Variants in NAV2 observed in about 807,000 individuals in gnomAD.
NAV2 encodes the protein helicase, APC down-regulated 1.
Under a neutral mutation model 223.2 loss-of-function variants are expected in NAV2, and 54 were observed. That is an observed-to-expected ratio of 0.24 (90% CI 0.19 to 0.30). NAV2 has a LOEUF of 0.30. Among genes scored for constraint, NAV2 ranks in the 10% least tolerant of loss-of-function variants. The pLI, the probability that NAV2 is intolerant of heterozygous loss-of-function variation, is 1.00. For synonymous variants in NAV2, 1,279 were observed against 1,239.3 expected, an observed-to-expected ratio of 1.03 and a Z score of -0.67; for missense variants, 2,806 against 3,147.5, an observed-to-expected ratio of 0.89 and a Z score of 2.60.
At chr11:19,803,305 T>C (rs2058371340) in intron 1 of NAV2, among the ~76,000 whole-genome samples, 1 of 152,150 alleles carries the variant, frequency 6.6e-6, no homozygotes, top group South Asian at 2.1e-4. Flanking sequence ...GTCTTGAAAA[T>C]GCAGGCAGGG....
intron 1 of NAV2, among the ~76,000 whole-genome samples, chr11:19,609,772 C>T (rs1313389400): frequency 2.0e-5 from 3 of 152,160 alleles, no homozygotes; most frequent in Non-Finnish European, 2.9e-5. Flanking sequence ...CCTCTGTGTT[C>T]TCAAAGGTTC....
At chr11:19,629,478 C>T (rs149805710) in intron 1 of NAV2, among the ~76,000 whole-genome samples, 326 of 151,908 alleles carry the variant, frequency 2.1e-3, no homozygotes, top group Non-Finnish European at 3.7e-3. Context: ...TACGCACTTG[C>T]GCACACACAC....
chr11:19,352,211 A>G (rs1047636049), intron 1 of NAV2, among the ~76,000 whole-genome samples: 1 of 152,352 alleles, frequency 6.6e-6, no homozygotes, highest in African/African-American at 2.4e-5. Flanking sequence ...TATTAAGTGT[A>G]TAACCTACTA....
intron 3 of NAV2, among the ~76,000 whole-genome samples, chr11:19,867,051 T>G (rs2062137805): frequency 6.6e-6 from 1 of 152,172 alleles, no homozygotes; most frequent in African/African-American, 2.4e-5. Flanking sequence ...TTTGAGTGGA[T>G]TTGGTATATT....
chr11:19,610,850 G>C lies in NAV2; in HGVS notation c.76-221634G>C, dbSNP rs143445068. 5.3e-3 allele frequency among the ~76,000 whole-genome samples: 811 copies of C among 152,190 alleles called. 6 individuals carry two copies. Among genetic ancestry groups the C allele is most frequent in the Non-Finnish European group, 8.1e-3 (552 of 67,996 alleles). On this transcript the variant is annotated intron_variant, in intron 1 of 37. Transcript: ENST00000360655. Reference sequence around the variant, plus strand: ...GATGGAGGTGGATGAATTGGTGGGTGGGTGGATGGATGCATTCATAAGACC... The same window carrying C: ...GATGGAGGTGGATGAATTGGTGGGTCGGTGGATGGATGCATTCATAAGACC...
intron 1 of NAV2, among the ~76,000 whole-genome samples, chr11:19,616,850 A>G (rs777863429): frequency 1.5e-4 from 23 of 152,160 alleles, no homozygotes; most frequent in Non-Finnish European, 3.1e-4. Context: ...GTTAGCATAG[A>G]GATGTAGAAA....
At chr11:19,525,214 C>G (rs1018652060) in intron 1 of NAV2, among the ~76,000 whole-genome samples, 3 of 152,130 alleles carry the variant, frequency 2.0e-5, no homozygotes, top group African/African-American at 7.2e-5. Flanking sequence ...AAACTGGGCC[C>G]CAGAGAGGTG....
At chr11:19,972,806 C>G (rs1442429720) in intron 10 of NAV2, among the ~76,000 whole-genome samples, 1 of 152,186 alleles carries the variant, frequency 6.6e-6, no homozygotes, top group Non-Finnish European at 1.5e-5. Context: ...AGGACTGAGT[C>G]TGATTTTTAT....
At chr11:19,599,930 A>G (rs1440697942) in intron 1 of NAV2, among the ~76,000 whole-genome samples, 4 of 152,148 alleles carry the variant, frequency 2.6e-5, no homozygotes, top group African/African-American at 9.7e-5. Context: ...TCTCTCTCCA[A>G]ACTGAATTGC....
intron 1 of NAV2, among the ~76,000 whole-genome samples, chr11:19,414,846 C>T (rs1173327700): frequency 6.6e-6 from 1 of 152,160 alleles, no homozygotes; most frequent in Non-Finnish European, 1.5e-5. Context: ...TGAATGACTA[C>T]TGGGTAAATA....
chr11:20,000,317 T>G (rs2052417504), intron 11 of NAV2, among the ~76,000 whole-genome samples: 1 of 152,226 alleles, frequency 6.6e-6, no homozygotes, highest in African/African-American at 2.4e-5. Flanking sequence ...CCTGTGGATT[T>G]GAACTTCTCA....
chr11:19,648,850 T>C (rs1427233089), intron 1 of NAV2, among the ~76,000 whole-genome samples: 2 of 152,210 alleles, frequency 1.3e-5, no homozygotes, highest in African/African-American at 2.4e-5. Context: ...CAAAAAGAAA[T>C]AAAAATTGTC....
At chr11:19,408,191 T>C (rs1849985579) in intron 1 of NAV2, among the ~76,000 whole-genome samples, 1 of 152,188 alleles carries the variant, frequency 6.6e-6, no homozygotes, top group Non-Finnish European at 1.5e-5. Flanking sequence ...CTCTTTCTAA[T>C]GGTGGATTTG....
At chr11:19,583,139 A>G (rs1007030396) in intron 1 of NAV2, among the ~76,000 whole-genome samples, 1 of 152,160 alleles carries the variant, frequency 6.6e-6, no homozygotes, top group African/African-American at 2.4e-5. Flanking sequence ...CTTTGAAGCA[A>G]TTGTGAATAG....
At chr11:19,608,394 A>G (rs746931201) in intron 1 of NAV2, among the ~76,000 whole-genome samples, 1 of 152,222 alleles carries the variant, frequency 6.6e-6, no homozygotes, top group Non-Finnish European at 1.5e-5. Flanking sequence ...AAAAGCAAAT[A>G]CACTGCCTTG....
chr11:19,644,802 C>T (rs759294615), intron 1 of NAV2, among the ~76,000 whole-genome samples: 5 of 152,216 alleles, frequency 3.3e-5, no homozygotes, highest in Admixed American at 6.5e-5. Context: ...GATGGGCCAG[C>T]AGGCCAGGGC....
intron 2 of NAV2, among the ~76,000 whole-genome samples, chr11:19,833,157 G>C (rs749322561): frequency 3.3e-5 from 5 of 152,180 alleles, no homozygotes; most frequent in African/African-American, 9.7e-5. Flanking sequence ...GTGAAGGCAC[G>C]TGGGTGGATA....
chr11:20,035,902 G>A (rs2056316139), intron 11 of NAV2, 57 bp from the exon 12 acceptor site: 3 of 1,607,592 alleles, frequency 1.9e-6, no homozygotes, highest in South Asian at 1.1e-5. Flanking sequence ...TGTGTCATCA[G>A]CCTGAGCTGG....
chr11:19,564,271 G>A (rs2045195404), intron 1 of NAV2, among the ~76,000 whole-genome samples: 1 of 152,208 alleles, frequency 6.6e-6, no homozygotes, highest in Non-Finnish European at 1.5e-5. Context: ...GGGGGAATGG[G>A]CTGAGGCTGG....
Sources: allele counts gnomAD v4.1 joint callset (sites outside exome capture counted in the v4.1 genomes callset), GRCh38; gene constraint gnomAD v4.1.1; transcripts MANE v1.5; gene names NCBI Gene and HGNC (gene_info 2026-07-23, HGNC 2026-07-21).